Variants in GABRG3 observed in about 807,000 individuals in gnomAD.
GABRG3 encodes the protein gamma-aminobutyric acid receptor subunit gamma-3.
In GABRG3, 25 loss-of-function variants were observed where a neutral mutation model predicts 48.8. The observed-to-expected ratio is 0.51, with a 90% CI of 0.37 to 0.72. GABRG3 has a LOEUF of 0.72. Ranked by LOEUF, GABRG3 falls within the 30% of genes least tolerant of loss-of-function variation. The pLI is 0.00. For missense variants in GABRG3, 394 were observed against 577.9 expected, an observed-to-expected ratio of 0.68 and a Z score of 3.26; for synonymous variants, 227 against 217.6, an observed-to-expected ratio of 1.04 and a Z score of -0.38.
At position 27,536,586 on chromosome 15, in the gene GABRG3, G is replaced by A. The variant is rs1365726348; in HGVS notation, c.*3705G>A. On this transcript the variant is annotated 3_prime_UTR_variant, in exon 10 of 10. Coordinates refer to ENST00000615808, the MANE Select transcript of GABRG3 (RefSeq NM_033223.5). ...AGGCTCTTTGACTGAGAAAATGCGTGTTCTCAAGAGCAAAGCATTTTCACT... is the reference window on the plus strand; with the variant it reads ...AGGCTCTTTGACTGAGAAAATGCGTATTCTCAAGAGCAAAGCATTTTCACT... The A allele has an allele frequency of 6.6e-6, 1 of 152,166 alleles. No homozygotes were observed. The highest frequency in any genetic ancestry group is 2.4e-5 in the African/African-American group (1 of 41,432). The allele number at this position is 152,166 out of a possible 1,614,324, so 9.4% of individuals were successfully genotyped here.
intron 6 of GABRG3, among the ~76,000 whole-genome samples, chr15:27,488,247 C>T (rs1403075489): frequency 6.6e-6 from 1 of 152,180 alleles, no homozygotes; most frequent in Non-Finnish European, 1.5e-5. Flanking sequence ...CTCCCACGTC[C>T]CTCAAAGGCC....
At chr15:27,029,594 G>T (rs757595798) in intron 3 of GABRG3, among the ~76,000 whole-genome samples, 1 of 152,126 alleles carries the variant, frequency 6.6e-6, no homozygotes, top group Non-Finnish European at 1.5e-5. Context: ...TGTTCTCCTT[G>T]GGTGAGTTGC....
At position 27,388,264 on chromosome 15, in the gene GABRG3, AGGG is replaced by A. The variant is rs1566818217; in HGVS notation, c.574+59377_574+59379del. Among the ~76,000 whole-genome samples the A allele has an allele frequency of 1.4e-3, 58 of 42,550 alleles. 6 individuals carry two copies. The highest frequency in any genetic ancestry group is 6.3e-3 in the East Asian group (5 of 794). 27.9% of individuals were successfully genotyped at this position (42,550 alleles called of 152,430 possible). On this transcript the variant is annotated intron_variant, in intron 5 of 9. Coordinates refer to ENST00000615808, the MANE Select transcript of GABRG3 (RefSeq NM_033223.5). The stretch of plus-strand genomic sequence containing the variant: ...AGGGAGGAAAGGAAGGAAGGAAAGG[AGGG>A]AGGGAGGGTAAGGAAGGAAGGAAGA...
intron 3 of GABRG3, among the ~76,000 whole-genome samples, chr15:27,090,423 A>T (rs1046237826): frequency 1.3e-5 from 2 of 152,226 alleles, no homozygotes; most frequent in East Asian, 3.9e-4. Context: ...ATTGTGGGTC[A>T]TATGGGAATT....
chr15:26,992,009 G>A (rs989516708), intron 2 of GABRG3, among the ~76,000 whole-genome samples: 8 of 152,156 alleles, frequency 5.3e-5, no homozygotes, highest in African/African-American at 1.9e-4. Context: ...ATGAGCCACT[G>A]CGCCCAGCCT....
chr15:27,070,265 A>C (rs1391324611), intron 3 of GABRG3, among the ~76,000 whole-genome samples: 1 of 152,234 alleles, frequency 6.6e-6, no homozygotes, highest in Non-Finnish European at 1.5e-5. Flanking sequence ...TCAAATAAGG[A>C]TATTGCTTCC....
intron 2 of GABRG3, among the ~76,000 whole-genome samples, chr15:26,989,533 T>C (rs563298413): frequency 4.9e-4 from 75 of 152,314 alleles, no homozygotes; most frequent in African/African-American, 1.8e-3. Flanking sequence ...GCTTATGAGG[T>C]ACATGAGACA....
chr15:27,401,203 A>G (rs931068520), intron 5 of GABRG3, among the ~76,000 whole-genome samples: 6 of 152,170 alleles, frequency 3.9e-5, no homozygotes, highest in Admixed American at 6.5e-5. Context: ...TCACTGGTAG[A>G]TGTTTTATTT....
At position 27,276,387 on chromosome 15, in the gene GABRG3, G is replaced by A. The variant is rs144703802; in HGVS notation, c.271-50422G>A. On this transcript the variant is annotated intron_variant, in intron 3 of 9. Transcript: ENST00000615808. ...ATGTGGTGGTTTAGTTTCCCAGGCT[G>A]TTTGCTGCAGAGGTTTCCCAGGCTG... Among the ~76,000 whole-genome samples the A allele has an allele frequency of 4.9e-3, 741 of 152,270 alleles. 7 individuals carry two copies. Among genetic ancestry groups the A allele is most frequent in the Middle Eastern group, 0.041 (12 of 294 alleles).
At chr15:27,059,041 T>C (rs1896601656) in intron 3 of GABRG3, among the ~76,000 whole-genome samples, 2 of 152,174 alleles carry the variant, frequency 1.3e-5, no homozygotes, top group African/African-American at 4.8e-5. Flanking sequence ...CTCAAACTAA[T>C]TCACTGAATT....
intron 3 of GABRG3, among the ~76,000 whole-genome samples, chr15:27,244,259 T>C (rs1890211541): frequency 2.6e-5 from 4 of 152,012 alleles, no homozygotes; most frequent in Admixed American, 2.6e-4. Flanking sequence ...TGTTAACAGG[T>C]CTATTAACCG....
intron 3 of GABRG3, among the ~76,000 whole-genome samples, chr15:27,190,890 T>C (rs1888276114): frequency 1.3e-5 from 2 of 152,184 alleles, no homozygotes; most frequent in South Asian, 4.2e-4. Flanking sequence ...CTCTACACAC[T>C]GCTTTGAATG....
chr15:27,347,351 C>A (rs1894409389), intron 5 of GABRG3, among the ~76,000 whole-genome samples: 2 of 152,164 alleles, frequency 1.3e-5, no homozygotes, highest in Admixed American at 6.5e-5. Context: ...GAGCTGTTTT[C>A]CTGGGCTGTG....
At chr15:27,228,908 G>A (rs923156176) in intron 3 of GABRG3, among the ~76,000 whole-genome samples, 1 of 152,094 alleles carries the variant, frequency 6.6e-6, no homozygotes, top group African/African-American at 2.4e-5. Flanking sequence ...TTTTAATGGG[G>A]TTTTTTGTTT....
At chr15:27,003,238 T>TA (rs34976435) in intron 2 of GABRG3, among the ~76,000 whole-genome samples, 3 of 145,664 alleles carry the variant, frequency 2.1e-5, no homozygotes, top group Non-Finnish European at 4.6e-5. Flanking sequence ...TTTATTTATT[T>TA]TTTATTGATC....
At chr15:27,346,219 T>C (rs571754816) in intron 5 of GABRG3, among the ~76,000 whole-genome samples, 1 of 152,330 alleles carries the variant, frequency 6.6e-6, no homozygotes, top group African/African-American at 2.4e-5. Flanking sequence ...CTGGAGCTTT[T>C]TCTTTCTTTC....
At chr15:27,383,381 G>A (rs1195618054) in intron 5 of GABRG3, among the ~76,000 whole-genome samples, 1 of 152,096 alleles carries the variant, frequency 6.6e-6, no homozygotes, top group Admixed American at 6.5e-5. Flanking sequence ...CCTGTCTTGT[G>A]CTCCTGTGAT....
chr15:27,532,821 T>C lies in GABRG3; in HGVS notation c.1344T>C (p.Phe448=). 1 of 1,614,010 alleles carries C rather than the reference T, an allele frequency of 6.2e-7. No individual in the cohort carries two copies. Among genetic ancestry groups the C allele is most frequent in the Non-Finnish European group, 8.5e-7 (1 of 1,179,890 alleles). Residue 448 remains phenylalanine, a synonymous_variant, in exon 10 of 10, where the codon TTT becomes TTC. Transcript: ENST00000615808. Reference sequence around the variant, plus strand: ...AGCTGGACTCGTACTCCCGGGTCTTTTTCCCCACGTCCTTCCTGCTCTTTA... The same window carrying C: ...AGCTGGACTCGTACTCCCGGGTCTTCTTCCCCACGTCCTTCCTGCTCTTTA... The part of the protein sequence containing the change: ...ILELDSYSRV[F]FPTSFLLFNL...
In GABRG3 at chr15:27,270,761, A is replaced by C. The variant is rs527763545; in HGVS notation, c.271-56048A>C. 9.0e-4 allele frequency among the ~76,000 whole-genome samples: 137 copies of C among 152,332 alleles called. 1 individual carries two copies. The highest frequency in any genetic ancestry group is 3.0e-3 in the African/African-American group (125 of 41,576). On this transcript the variant is annotated intron_variant, in intron 3 of 9. Coordinates refer to ENST00000615808, the MANE Select transcript of GABRG3 (RefSeq NM_033223.5). ...GTTATCACCAAAAAGAAATGGCTAA[A>C]GTGATAGATATGGTCACGATCCTGA...
Sources: allele counts gnomAD v4.1 joint callset (sites outside exome capture counted in the v4.1 genomes callset), GRCh38; gene constraint gnomAD v4.1.1; transcripts MANE v1.5; gene names NCBI Gene and HGNC (gene_info 2026-07-23, HGNC 2026-07-21).